The following PRICKLE2 variants were observed in gnomAD, a reference collection of about 807,000 sequenced individuals.
The protein encoded by PRICKLE2 is prickle-like protein 2.
PRICKLE2 carries 21 observed loss-of-function variants against 81.4 expected under a neutral mutation model. That is an observed-to-expected ratio of 0.26 (90% CI 0.18 to 0.37). The LOEUF (loss-of-function observed/expected upper bound fraction) is 0.37, where lower values mean the gene tolerates loss of function less well. PRICKLE2 is among the 10% of genes least tolerant of loss of function. PRICKLE2 has a pLI of 1.00. For missense variants in PRICKLE2, 940 were observed against 1,109.0 expected (o/e 0.85, Z 2.16); for synonymous variants, 456 against 421.5 (o/e 1.08, Z -1.00).
chr3:64,118,443 A>C (rs76149614), intron 7 of PRICKLE2, among the ~76,000 whole-genome samples: 3 of 152,090 alleles, frequency 2.0e-5, no homozygotes, highest in Non-Finnish European at 4.4e-5. Flanking sequence ...CTGCAAACTA[A>C]GCATCTCACA....
intron 2 of PRICKLE2, among the ~76,000 whole-genome samples, chr3:64,264,280 A>C (rs565881485): frequency 1.3e-5 from 2 of 152,162 alleles, no homozygotes; most frequent in South Asian, 4.1e-4. Context: ...CAACCCTCAT[A>C]GGGTTGTCGT....
chr3:64,129,446 G>T (rs1336549844), intron 7 of PRICKLE2, among the ~76,000 whole-genome samples: 1 of 152,106 alleles, frequency 6.6e-6, no homozygotes, highest in Non-Finnish European at 1.5e-5. Context: ...TGTCACCTTG[G>T]GGATGAAAAG....
At chr3:64,218,040 T>C (rs1263010732) in intron 1 of PRICKLE2, among the ~76,000 whole-genome samples, 12 of 152,218 alleles carry the variant, frequency 7.9e-5, no homozygotes, top group Non-Finnish European at 1.5e-5. Context: ...CTGCTTTTCC[T>C]ATTAAGGCAG....
chr3:64,198,689 A>G, intron 2 of PRICKLE2, 95 bp downstream of exon 2: 7 of 1,362,488 alleles, frequency 5.1e-6, no homozygotes, highest in South Asian at 2.3e-5. Flanking sequence ...CTGAATCAGC[A>G]AAGTCTACTC....
At chr3:64,118,262 T>A (rs148903502) in intron 7 of PRICKLE2, among the ~76,000 whole-genome samples, 144 of 152,224 alleles carry the variant, frequency 9.5e-4, no homozygotes, top group African/African-American at 3.3e-3. Flanking sequence ...ACCTAGGCAA[T>A]ATCATTCAGG....
At chr3:64,258,865 G>GAAAGAAAGAAAGA (rs2079572106) in intron 2 of PRICKLE2, among the ~76,000 whole-genome samples, 3 of 141,824 alleles carry the variant, frequency 2.1e-5, no homozygotes, top group Admixed American at 2.1e-4. Context: ...AAGAAAGAAA[G>GAAAGAAAGAAAGA]AAAGAAAGAA....
At chr3:64,113,572 A>G (rs571863299) in intron 7 of PRICKLE2, among the ~76,000 whole-genome samples, 1 of 152,150 alleles carries the variant, frequency 6.6e-6, no homozygotes, top group East Asian at 1.9e-4. Flanking sequence ...AATGCCCTAC[A>G]TCACTTTGCT....
chr3:64,177,702 T>C (rs144344349), intron 2 of PRICKLE2, among the ~76,000 whole-genome samples: 1,585 of 152,332 alleles, frequency 0.01, 27 homozygotes, highest in African/African-American at 0.036. Flanking sequence ...TTTCACCTAA[T>C]ATGTTTCCAA....
chr3:64,167,681 T>C (rs1489907199), intron 2 of PRICKLE2, among the ~76,000 whole-genome samples: 1 of 152,186 alleles, frequency 6.6e-6, no homozygotes, highest in Non-Finnish European at 1.5e-5. Flanking sequence ...GGAGAAGCAA[T>C]AACTCTGCAT....
intron 2 of PRICKLE2, among the ~76,000 whole-genome samples, chr3:64,259,899 A>G (rs1326820501): frequency 6.6e-6 from 1 of 152,140 alleles, no homozygotes; most frequent in Admixed American, 6.5e-5. Flanking sequence ...AAGAGAATAA[A>G]TTTCTGTGGT....
rs567896117 is a variant in PRICKLE2 at position 64,165,329 on chromosome 3, G to A, written c.145-2200C>T. ...GGCATGGCCAGTAGATCTGGACCCC[G>A]AGTCAAGGCTCTGTTGTTTCCCATC... On this transcript the variant is annotated intron_variant, in intron 2 of 7. Transcript: ENST00000638394. Among the ~76,000 whole-genome samples, 3 of 152,244 alleles carry A rather than the reference G, an allele frequency of 2.0e-5. No individual in the cohort carries two copies. In the East Asian group the frequency reaches 5.8e-4, roughly 29 times the overall value.
intron 5 of PRICKLE2, among the ~76,000 whole-genome samples, chr3:64,156,313 C>T (rs2077634394): frequency 6.6e-6 from 1 of 152,126 alleles, no homozygotes; most frequent in Admixed American, 6.6e-5. Flanking sequence ...AAGAAATGCC[C>T]ATGTAACAGT....
intron 2 of PRICKLE2, among the ~76,000 whole-genome samples, chr3:64,168,496 T>C (rs557772456): frequency 6.6e-6 from 1 of 152,326 alleles, no homozygotes; most frequent in South Asian, 2.1e-4. Context: ...ACAAGCCTGA[T>C]CTGAATGAAG....
chr3:64,106,624 C>A (rs1337457889), intron 7 of PRICKLE2, among the ~76,000 whole-genome samples: 2 of 152,236 alleles, frequency 1.3e-5, no homozygotes, highest in Admixed American at 1.3e-4. Flanking sequence ...ACTCTTCACT[C>A]CATTTGTCTG....
chr3:64,175,562 G>T (rs153738), intron 2 of PRICKLE2, among the ~76,000 whole-genome samples: 28,775 of 152,110 alleles, frequency 0.19, 3,150 homozygotes, highest in East Asian at 0.44. Context: ...AAACTGAATT[G>T]TTTTAAGTTA....
intron 7 of PRICKLE2, 160 bp downstream of exon 7, chr3:64,146,670 G>A (rs1045377945): frequency 4.1e-6 from 3 of 734,540 alleles, no homozygotes; most frequent in South Asian, 1.7e-5. Flanking sequence ...GTGAACCCGG[G>A]AGGTGGAGCT....
chr3:64,111,830 T>C lies in PRICKLE2; in HGVS notation c.1661-11905A>G, dbSNP rs77756525. Among the ~76,000 whole-genome samples the C allele has an allele frequency of 2.6e-4, 40 of 152,316 alleles. No homozygotes were observed. In the East Asian group the frequency reaches 6.0e-3, roughly 23 times the overall value. ...TTACTGGCACTGCCTATTGCTTGAC[T>C]TGGGAGATGGTACCATCAGTGTAAT... On this transcript the variant is annotated intron_variant, in intron 7 of 7. Transcript: ENST00000638394.
At chr3:64,142,650 C>T (rs1482562821) in intron 7 of PRICKLE2, among the ~76,000 whole-genome samples, 2 of 152,136 alleles carry the variant, frequency 1.3e-5, no homozygotes, top group Non-Finnish European at 2.9e-5. Flanking sequence ...CAAACCTGCA[C>T]AGCTGGTGGA....
intron 1 of PRICKLE2, among the ~76,000 whole-genome samples, chr3:64,221,455 A>ACG (rs1435362292): frequency 6.0e-5 from 9 of 149,660 alleles, no homozygotes; most frequent in East Asian, 3.9e-4. Flanking sequence ...ACACACACAC[A>ACG]CACGCACACA....
Sources: allele counts gnomAD v4.1 joint callset (sites outside exome capture counted in the v4.1 genomes callset), GRCh38; gene constraint gnomAD v4.1.1; transcripts MANE v1.5; gene names NCBI Gene and HGNC (gene_info 2026-07-23, HGNC 2026-07-21).